The following AGMO variants were observed in gnomAD, a reference collection of about 807,000 sequenced individuals.
AGMO encodes the protein alkylglycerol monooxygenase, also known as glyceryl-ether monooxygenase.
A neutral mutation model predicts 60.2 loss-of-function variants in AGMO; 75 were observed. The observed-to-expected ratio is 1.25, with a 90% CI of 1.03 to 1.51. The LOEUF (loss-of-function observed/expected upper bound fraction) is 1.51. AGMO is among the 40% of genes most tolerant of loss of function. The pLI is 0.00. For missense variants in AGMO, 763 were observed against 525.5 expected, an observed-to-expected ratio of 1.45 and a Z score of -4.42; for synonymous variants, 261 against 177.1, an observed-to-expected ratio of 1.47 and a Z score of -3.76.
the AGMO span, among the ~76,000 whole-genome samples, chr7:15,140,981 C>T: frequency 2.6e-5 from 4 of 152,256 alleles, no homozygotes; most frequent in African/African-American, 4.8e-5. Context: ...CCTTAGTCAA[C>T]GACCTTTCAG....
chr7:15,262,152 G>A (rs1680999264), intron 12 of AGMO, among the ~76,000 whole-genome samples: 1 of 152,012 alleles, frequency 6.6e-6, no homozygotes, highest in Admixed American at 6.6e-5. Context: ...ACAAGAGAAG[G>A]AAATCAAGGC....
At chr7:15,546,585 T>C (rs1012126501) in intron 2 of AGMO, among the ~76,000 whole-genome samples, 2 of 152,192 alleles carry the variant, frequency 1.3e-5, no homozygotes, top group South Asian at 4.1e-4. Flanking sequence ...GGTGGCTATT[T>C]TGGGGCATGT....
At chr7:15,345,883 A>T (rs925543509) in intron 12 of AGMO, among the ~76,000 whole-genome samples, 1 of 151,552 alleles carries the variant, frequency 6.6e-6, no homozygotes, top group Non-Finnish European at 1.5e-5. Context: ...TTGGTACTTA[A>T]TTTTTTTTTG....
chr7:15,552,938 T>C (rs1157392093), intron 2 of AGMO, among the ~76,000 whole-genome samples: 1 of 151,622 alleles, frequency 6.6e-6, no homozygotes, highest in African/African-American at 2.4e-5. Flanking sequence ...CCAACAATGA[T>C]AGACTGGATT....
At chr7:15,529,470 T>A (rs1434922764) in intron 3 of AGMO, among the ~76,000 whole-genome samples, 1 of 143,824 alleles carries the variant, frequency 7.0e-6, no homozygotes, top group Non-Finnish European at 1.5e-5. Context: ...TAAGCTCAGG[T>A]TCTACCCCCT....
chr7:15,403,857 G>C (rs184147761), intron 5 of AGMO, among the ~76,000 whole-genome samples: 4 of 151,866 alleles, frequency 2.6e-5, no homozygotes, highest in Non-Finnish European at 5.9e-5. Context: ...TGGTAGTGGC[G>C]GCCATATTAG....
At chr7:15,485,714 C>G (rs1782903298) in intron 3 of AGMO, among the ~76,000 whole-genome samples, 2 of 152,060 alleles carry the variant, frequency 1.3e-5, no homozygotes, top group African/African-American at 4.8e-5. Flanking sequence ...GCTTCACACT[C>G]TTAGCACGGT....
chr7:15,166,835 C>T, the AGMO span, among the ~76,000 whole-genome samples: 99,990 of 151,952 alleles, frequency 0.66, 33,030 homozygotes, highest in East Asian at 0.73. Context: ...GAAAGTAGAA[C>T]TTTGGCATTT....
chr7:15,503,693 C>T (rs1408751472), intron 3 of AGMO, among the ~76,000 whole-genome samples: 6 of 151,810 alleles, frequency 4.0e-5, no homozygotes, highest in South Asian at 2.1e-4. Context: ...CCAAGAATGG[C>T]GTAACACAAA....
At chr7:15,442,367 C>A (rs1358234616) in intron 3 of AGMO, among the ~76,000 whole-genome samples, 2 of 152,146 alleles carry the variant, frequency 1.3e-5, no homozygotes, top group Non-Finnish European at 1.5e-5. Context: ...ATACTAATGA[C>A]TATCAGGTCT....
chr7:15,309,112 T>G (rs1269666465), intron 12 of AGMO, among the ~76,000 whole-genome samples: 1 of 152,152 alleles, frequency 6.6e-6, no homozygotes, highest in East Asian at 1.9e-4. Context: ...AGACTAGTTA[T>G]TCATTAAACA....
chr7:15,130,134 A>G, the AGMO span, among the ~76,000 whole-genome samples: 1 of 152,200 alleles, frequency 6.6e-6, no homozygotes, highest in Non-Finnish European at 1.5e-5. Context: ...TTATTTTATT[A>G]TAGTTAGCAT....
At chr7:15,395,134 T>G (rs1784318831) in intron 5 of AGMO, among the ~76,000 whole-genome samples, 1 of 152,200 alleles carries the variant, frequency 6.6e-6, no homozygotes. Context: ...AACTGATTTG[T>G]TAGAGCCTAC....
the AGMO span, among the ~76,000 whole-genome samples, chr7:15,162,311 GCAAA>G: frequency 6.6e-6 from 1 of 152,026 alleles, no homozygotes; most frequent in Non-Finnish European, 1.5e-5. Context: ...TTAATAATTT[GCAAA>G]CAGTTTACAA....
At chr7:15,348,588 T>C (rs1452660136) in intron 12 of AGMO, among the ~76,000 whole-genome samples, 2 of 152,138 alleles carry the variant, frequency 1.3e-5, no homozygotes, top group African/African-American at 4.8e-5. Context: ...TAGCTTTGGC[T>C]AATTTCTTTC....
the AGMO span, among the ~76,000 whole-genome samples, chr7:15,167,028 G>A: frequency 6.6e-6 from 1 of 151,712 alleles, no homozygotes; most frequent in Non-Finnish European, 1.5e-5. Context: ...TTCCCACATT[G>A]GGAAATTTCT....
chr7:15,287,468 T>C (rs1563070784), intron 12 of AGMO, among the ~76,000 whole-genome samples: 2 of 152,194 alleles, frequency 1.3e-5, no homozygotes, highest in African/African-American at 4.8e-5. Flanking sequence ...ACTTCTCTAT[T>C]TGGATCTTGT....
chr7:15,415,179 T>C (rs28514870), intron 5 of AGMO, among the ~76,000 whole-genome samples: 14,750 of 151,850 alleles, frequency 0.097, 851 homozygotes, highest in South Asian at 0.14. Flanking sequence ...TCACTTCAAG[T>C]TCTGCCTCCC....
Position 15,303,561 on chromosome 7 carries a change from T to C in AGMO, c.1263+61953A>G, listed in dbSNP as rs369866676. 3.6e-4 allele frequency among the ~76,000 whole-genome samples: 55 copies of C among 152,178 alleles called. No homozygotes were observed. In the East Asian group the frequency reaches 7.7e-3, roughly 21 times the overall value. On this transcript the variant is annotated intron_variant, in intron 12 of 12. Transcript: ENST00000342526. ...CCTAAAAAATGTAAGTGATCTTGCT[T>C]GACCTGTGACGCGAGCATGGGGATG...
Sources: allele counts gnomAD v4.1 joint callset (sites outside exome capture counted in the v4.1 genomes callset), GRCh38; gene constraint gnomAD v4.1.1; transcripts MANE v1.5; gene names NCBI Gene and HGNC (gene_info 2026-07-23, HGNC 2026-07-21).